The following TENT2 variants were observed in gnomAD, a reference collection of about 807,000 sequenced individuals.
TENT2 encodes terminal nucleotidyltransferase 2.
Under a neutral mutation model 72.2 loss-of-function variants are expected in TENT2, and 44 were observed. That is an observed-to-expected ratio of 0.61 (90% confidence interval 0.48 to 0.78). The LOEUF is 0.78. TENT2 is among the 30% of genes least tolerant of loss of function. The pLI, the probability that TENT2 is intolerant of heterozygous loss-of-function variation, is 0.00. For synonymous variants in TENT2, 212 were observed against 192.5 expected (o/e 1.10, Z -0.84); for missense variants, 541 against 569.6 (o/e 0.95, Z 0.51).
chr5:79,643,215 T>G (rs1785824780), intron 7 of TENT2, among the ~76,000 whole-genome samples: 1 of 152,154 alleles, frequency 6.6e-6, no homozygotes, highest in African/African-American at 2.4e-5. Context: ...AGCATGAATA[T>G]AAATAGTTGT....
Position 79,655,456 on chromosome 5 carries a change from G to A in TENT2, c.1028-1502G>A, listed in dbSNP as rs115704496. 9.5e-3 allele frequency among the ~76,000 whole-genome samples: 1,439 copies of A among 151,978 alleles called. 30 individuals carry two copies. The highest frequency in any genetic ancestry group is 0.033 in the African/African-American group (1,365 of 41,494). On this transcript the variant is annotated intron_variant, in intron 10 of 14. Coordinates refer to ENST00000453514, the MANE Select transcript of TENT2 (RefSeq NM_001114394.3). ...CTCTATAATCTTCTCTTCATCCTTTGTTTTATTATATTTTTAGTATACTAG... is the reference window on the plus strand; with the variant it reads ...CTCTATAATCTTCTCTTCATCCTTTATTTTATTATATTTTTAGTATACTAG...
chr5:79,641,323 A>C (rs1784260518), intron 6 of TENT2, 127 bp downstream of exon 6: 2 of 724,092 alleles, frequency 2.8e-6, no homozygotes, highest in African/African-American at 1.8e-5. Flanking sequence ...GTTTACCATA[A>C]TTGCAGGAAA....
At chr5:79,641,024 CT>C (rs879363444) in intron 5 of TENT2, 59 bp downstream of exon 5, 100,492 of 956,078 alleles carry the variant, frequency 0.11, 4 homozygotes, top group South Asian at 0.13. Flanking sequence ...TAAATTTTAT[CT>C]TTTTTTTTTT....
chr5:79,680,957 A>G (rs1821206000), intron 13 of TENT2, among the ~76,000 whole-genome samples: 1 of 151,642 alleles, frequency 6.6e-6, no homozygotes, highest in Admixed American at 6.6e-5. Context: ...GTCTCTCTAT[A>G]TGGATTCTTC....
intron 4 of TENT2, among the ~76,000 whole-genome samples, chr5:79,628,695 G>A (rs1196230675): frequency 1.3e-5 from 2 of 152,150 alleles, no homozygotes; most frequent in African/African-American, 2.4e-5. Flanking sequence ...GGAAGTACTC[G>A]AGTTTTTTGA....
intron 4 of TENT2, among the ~76,000 whole-genome samples, chr5:79,635,289 T>C (rs546959972): frequency 8.5e-5 from 13 of 152,344 alleles, no homozygotes; most frequent in African/African-American, 3.1e-4. Flanking sequence ...GGTAAAGTAA[T>C]ATGATTTGAT....
intron 11 of TENT2, among the ~76,000 whole-genome samples, chr5:79,663,900 G>C (rs1229496583): frequency 1.3e-5 from 2 of 152,122 alleles, no homozygotes; most frequent in Admixed American, 1.3e-4. Flanking sequence ...AAAACGAGGT[G>C]TGCCTGTATA....
chr5:79,633,721 G>GT lies in TENT2; in HGVS notation c.466-7112dup, dbSNP rs10565563. On this transcript the variant is annotated intron_variant, in intron 4 of 14. Coordinates refer to ENST00000453514, the MANE Select transcript of TENT2 (RefSeq NM_001114394.3). ...ATGAGCCACTGTGCCAGGCTAAAAAGTTTTTTTTTTTTTTTTTTCCACTTT... is the reference window on the plus strand; with the variant it reads ...ATGAGCCACTGTGCCAGGCTAAAAAGTTTTTTTTTTTTTTTTTTTCCACTTT... Among the ~76,000 whole-genome samples, 1,232 of 130,212 alleles carry GT rather than the reference G, an allele frequency of 9.5e-3. 11 individuals are homozygous for GT. Among genetic ancestry groups the GT allele is most frequent in the African/African-American group, 0.023 (862 of 37,664 alleles). 85.4% of individuals were successfully genotyped at this position (130,212 alleles called of 152,430 possible).
At chr5:79,647,951 C>T (rs557050469) in intron 8 of TENT2, among the ~76,000 whole-genome samples, 1 of 152,154 alleles carries the variant, frequency 6.6e-6, no homozygotes, top group South Asian at 2.1e-4. Flanking sequence ...AATTTACTAG[C>T]CTTTTTAGAG....
At chr5:79,675,116 G>C (rs1417107022) in intron 12 of TENT2, among the ~76,000 whole-genome samples, 2 of 152,162 alleles carry the variant, frequency 1.3e-5, no homozygotes, top group Non-Finnish European at 2.9e-5. Flanking sequence ...AGAGTGTTAA[G>C]TGGAGTCCAG....
At position 79,685,244 on chromosome 5, in the gene TENT2, C is replaced by T. The variant is rs764007720; in HGVS notation, c.1426C>T (p.Pro476Ser). The T allele has an allele frequency of 6.2e-7, 1 of 1,603,416 alleles. No homozygotes were observed. Among genetic ancestry groups the T allele is most frequent in the Non-Finnish European group, 8.5e-7 (1 of 1,177,110 alleles). ...KNKRDLNSIL[P>S]VRAAVLKR The stretch of plus-strand genomic sequence containing the variant: ...CAAGAGAGATTTGAACAGTATACTA[C>T]CTGTAAGAGCTGCTGTCCTGAAAAG... Residue 476 changes from proline (P) to serine (S), a missense_variant, in exon 15 of 15, where the codon CCT becomes TCT. Physicochemically the swap from Pro to Ser is moderately conservative, Grantham distance 74 (BLOSUM62 -1). Coordinates refer to ENST00000453514, the MANE Select transcript of TENT2 (RefSeq NM_001114394.3).
At chr5:79,635,614 G>A (rs1260047811) in intron 4 of TENT2, among the ~76,000 whole-genome samples, 1 of 152,072 alleles carries the variant, frequency 6.6e-6, no homozygotes, top group Admixed American at 6.5e-5. Flanking sequence ...GAGTGCAGTT[G>A]CGCGATCTCG....
chr5:79,621,361 G>T (rs1021472820), intron 3 of TENT2, among the ~76,000 whole-genome samples: 1 of 152,118 alleles, frequency 6.6e-6, no homozygotes, highest in African/African-American at 2.4e-5. Context: ...CTTCAAAATT[G>T]TCATTGAGAA....
intron 6 of TENT2, among the ~76,000 whole-genome samples, chr5:79,642,350 C>G (rs1429789675): frequency 1.3e-5 from 2 of 151,904 alleles, no homozygotes; most frequent in African/African-American, 4.8e-5. Context: ...GTAATTAAAA[C>G]TTTTTCGTGC....
intron 11 of TENT2, among the ~76,000 whole-genome samples, chr5:79,663,087 C>T (rs921889384): frequency 2.6e-5 from 4 of 152,208 alleles, no homozygotes; most frequent in African/African-American, 9.6e-5. Flanking sequence ...CCTTAAACCT[C>T]ATAACCAGCC....
chr5:79,619,513 T>A, intron 1 of TENT2, 99 bp from the exon 2 acceptor site: 1 of 887,528 alleles, frequency 1.1e-6, no homozygotes, highest in Non-Finnish European at 1.6e-6. Flanking sequence ...AATTTGTAAC[T>A]TGATAACTAA....
chr5:79,665,433 G>A (rs1038532541), intron 11 of TENT2, among the ~76,000 whole-genome samples: 1 of 152,104 alleles, frequency 6.6e-6, no homozygotes, highest in African/African-American at 2.4e-5. Flanking sequence ...GATATCATGG[G>A]ACAGTCTCAG....
Position 79,642,827 on chromosome 5 carries a change from T to C in TENT2, c.673-5T>C, listed in dbSNP as rs1445116269. ...TGAAAAAACACTTTATTTTTAACTT[T>C]TCAGTGTTTTTTTCAGGTAAATCAG... On this transcript the variant is annotated splice_region_variant and splice_polypyrimidine_tract_variant and intron_variant, in intron 6 of 14. Transcript: ENST00000453514. 5.0e-6 allele frequency: 8 copies of C among 1,605,532 alleles called. No homozygotes were observed. In the South Asian group the frequency reaches 8.8e-5, roughly 18 times the overall value.
At chr5:79,666,364 GTCTTT>G (rs1201065624) in intron 11 of TENT2, among the ~76,000 whole-genome samples, 2 of 150,380 alleles carry the variant, frequency 1.3e-5, no homozygotes, top group African/African-American at 2.4e-5. Flanking sequence ...AACTGGGGAT[GTCTTT>G]TCTTTCTTTT....
Sources: allele counts gnomAD v4.1 joint callset (sites outside exome capture counted in the v4.1 genomes callset), GRCh38; gene constraint gnomAD v4.1.1; transcripts MANE v1.5; gene names NCBI Gene and HGNC (gene_info 2026-07-23, HGNC 2026-07-21).